Variants in TNFRSF9 observed in about 807,000 individuals in gnomAD.
TNFRSF9 encodes the protein TNF receptor superfamily member 9.
TNFRSF9 carries 16 observed loss-of-function variants against 28.8 expected under a neutral mutation model. That is an observed-to-expected ratio of 0.55 (90% confidence interval 0.38 to 0.84). The LOEUF is 0.84. Ranked by LOEUF, TNFRSF9 falls within the 40% of genes least tolerant of loss-of-function variation. TNFRSF9 has a pLI of 0.00. For missense variants in TNFRSF9, 303 were observed against 315.0 expected (o/e 0.96, Z 0.29); for synonymous variants, 131 against 117.0 (o/e 1.12, Z -0.77).
intron 7 of TNFRSF9, among the ~76,000 whole-genome samples, chr1:7,922,825 A>G (rs951988712): frequency 1.3e-5 from 2 of 151,888 alleles, no homozygotes; most frequent in Admixed American, 6.6e-5. Flanking sequence ...AAAACACATA[A>G]AAAACTAAGA....
intron 5 of TNFRSF9, among the ~76,000 whole-genome samples, chr1:7,936,834 A>G (rs2300428): frequency 0.41 from 62,114 of 152,092 alleles, 13,658 homozygotes; most frequent in South Asian, 0.63. Context: ...AAGTTTCTAA[A>G]TGTTTACTCT....
intron 4 of TNFRSF9, 136 bp from the exon 5 acceptor site, chr1:7,937,892 C>A: frequency 1.4e-6 from 1 of 738,278 alleles, no homozygotes; most frequent in Admixed American, 2.8e-5. Flanking sequence ...GAAACAACAC[C>A]CTAAGATGGC....
chr1:7,932,288 TA>T (rs1377200442), intron 7 of TNFRSF9, among the ~76,000 whole-genome samples: 1 of 152,178 alleles, frequency 6.6e-6, no homozygotes, highest in Non-Finnish European at 1.5e-5. Flanking sequence ...TATTAAGTCT[TA>T]TTAAGCCTGT....
chr1:7,932,644 C>T (rs1351626678), intron 7 of TNFRSF9, among the ~76,000 whole-genome samples: 7 of 151,826 alleles, frequency 4.6e-5, no homozygotes, highest in African/African-American at 1.7e-4. Context: ...TCTTCTTTGC[C>T]AGTGTCCTCC....
chr1:7,934,377 GA>G (rs1037016894), intron 6 of TNFRSF9, among the ~76,000 whole-genome samples: 44 of 132,352 alleles, frequency 3.3e-4, no homozygotes, highest in Admixed American at 4.5e-4. Flanking sequence ...ACTCTCGGGG[GA>G]AAAAAAAAGC....
intron 7 of TNFRSF9, among the ~76,000 whole-genome samples, chr1:7,930,473 T>C (rs970107685): frequency 2.6e-5 from 4 of 152,200 alleles, no homozygotes; most frequent in Admixed American, 6.6e-5. Context: ...TGGAACTTTG[T>C]TGCAGAGATA....
In TNFRSF9 at chr1:7,933,077, A is replaced by G. The variant is rs1055926409; in HGVS notation, c.679+85T>C. 20 of 1,492,612 alleles carry G rather than the reference A, an allele frequency of 1.3e-5. No individual in the cohort carries two copies. The African/African-American group carries it at 2.9e-4, about 21-fold the overall frequency. 92.5% of individuals were successfully genotyped at this position (1,492,612 alleles called of 1,614,324 possible). A position where few individuals can be genotyped will look rare whatever the true frequency, so the allele number is the denominator to read the frequency against. On this transcript the variant is annotated intron_variant, in intron 7 of 7. Transcript: ENST00000377507. ...ACGGGGCTATATGAACCTCATTTCT[A>G]GAATTTTTTTTAAAATCATATTTTC...
chr1:7,934,413 G>T (rs1210328231), intron 6 of TNFRSF9, among the ~76,000 whole-genome samples: 1 of 149,834 alleles, frequency 6.7e-6, no homozygotes, highest in East Asian at 2.0e-4. Context: ...AAAAAGAAAA[G>T]AAAATATGGG....
At chr1:7,929,464 G>A (rs887766883) in intron 7 of TNFRSF9, among the ~76,000 whole-genome samples, 1 of 151,738 alleles carries the variant, frequency 6.6e-6, no homozygotes, top group Non-Finnish European at 1.5e-5. Context: ...ACTGTGCCCC[G>A]CCCCTCATTT....
intron 7 of TNFRSF9, among the ~76,000 whole-genome samples, chr1:7,927,426 A>G (rs1442471673): frequency 1.3e-5 from 2 of 152,180 alleles, no homozygotes; most frequent in African/African-American, 4.8e-5. Flanking sequence ...TGTCCACTAG[A>G]GGCAAGGTGC....
At chr1:7,927,461 AC>A (rs1192098668) in intron 7 of TNFRSF9, among the ~76,000 whole-genome samples, 1 of 151,384 alleles carries the variant, frequency 6.6e-6, no homozygotes. Flanking sequence ...TTCCAAATAT[AC>A]TCTTTTGTCT....
In TNFRSF9 at chr1:7,916,633, A is replaced by C. The variant is rs372720109; in HGVS notation, c.*4202T>G. ...GTGTCCAAAGCCAAGAGGAGAAATCACTTTAGAACTTACAGCATCATGATT... is the reference window on the plus strand; with the variant it reads ...GTGTCCAAAGCCAAGAGGAGAAATCCCTTTAGAACTTACAGCATCATGATT... On this transcript the variant is annotated 3_prime_UTR_variant, in exon 8 of 8. Coordinates refer to ENST00000377507, the MANE Select transcript of TNFRSF9 (RefSeq NM_001561.6). The C allele has an allele frequency of 2.0e-4, 30 of 152,306 alleles. No homozygotes were observed. Among genetic ancestry groups the C allele is most frequent in the African/African-American group, 7.2e-4 (30 of 41,580 alleles). 9.4% of individuals were successfully genotyped at this position (152,306 alleles called of 1,614,324 possible).
At chr1:7,924,301 A>G (rs1338972975) in intron 7 of TNFRSF9, among the ~76,000 whole-genome samples, 1 of 2,728 alleles carries the variant, frequency 3.7e-4, no homozygotes, top group African/African-American at 7.2e-4. Flanking sequence ...TTCCATATAT[A>G]TATATATATA....
intron 6 of TNFRSF9, 80 bp from the exon 7 acceptor site, chr1:7,933,376 A>G: frequency 5.4e-6 from 8 of 1,469,466 alleles, no homozygotes; most frequent in Non-Finnish European, 7.3e-6. Context: ...TACATTGGTA[A>G]ATTTCTAAGC....
chr1:7,929,157 C>CTTTTTTTTTTTTTTTTTT lies in TNFRSF9; in HGVS notation c.679+4004_679+4005insAAAAAAAAAAAAAAAAAA, dbSNP rs1491203940. On this transcript the variant is annotated intron_variant, in intron 7 of 7. Coordinates refer to ENST00000377507, the MANE Select transcript of TNFRSF9 (RefSeq NM_001561.6). ...CTCAGTTTTTCTTTTTTTTCTTTTT[C>CTTTTTTTTTTTTTTTTTT]CTTTTTTTTTTTTTTTTTTTTTGAG... is the stretch of plus-strand genomic sequence containing the variant. Among the ~76,000 whole-genome samples, 6 of 65,440 alleles carry CTTTTTTTTTTTTTTTTTT rather than the reference C, an allele frequency of 9.2e-5. 2 individuals carry two copies. The highest frequency in any genetic ancestry group is 7.8e-5 in the Non-Finnish European group (2 of 25,484). The allele number at this position is 65,440 out of a possible 152,430, so 42.9% of individuals were successfully genotyped here.
intron 7 of TNFRSF9, among the ~76,000 whole-genome samples, chr1:7,927,614 C>A (rs2151414382): frequency 6.6e-6 from 1 of 151,998 alleles, no homozygotes; most frequent in East Asian, 1.9e-4. Context: ...CTGCAGTAAG[C>A]CATGATCACA....
chr1:7,925,415 T>C (rs906154257), intron 7 of TNFRSF9, among the ~76,000 whole-genome samples: 5 of 152,108 alleles, frequency 3.3e-5, no homozygotes, highest in Non-Finnish European at 5.9e-5. Flanking sequence ...AAGTGTACAG[T>C]GTTTATAAGA....
intron 6 of TNFRSF9, among the ~76,000 whole-genome samples, chr1:7,934,565 C>A (rs1028502782): frequency 6.6e-6 from 1 of 151,544 alleles, no homozygotes; most frequent in African/African-American, 2.4e-5. Flanking sequence ...AAAAATTAGC[C>A]GGGCGTGGTG....
Position 7,915,930 on chromosome 1 carries a change from T to A in TNFRSF9, c.*4905A>T, listed in dbSNP as rs888357335. The stretch of plus-strand genomic sequence containing the variant: ...CATAGTTTTGTGTTTTATTAGATAG[T>A]CTTTTAAATAAAAACGTTGATAAAG... On this transcript the variant is annotated 3_prime_UTR_variant, in exon 8 of 8. Transcript: ENST00000377507. 5 of 152,186 alleles carry A rather than the reference T, an allele frequency of 3.3e-5. No individual in the cohort carries two copies. Among genetic ancestry groups the A allele is most frequent in the Admixed American group, 2.0e-4 (3 of 15,256 alleles). The allele number at this position is 152,186 out of a possible 1,614,324, so 9.4% of individuals were successfully genotyped here. A position where few individuals can be genotyped will look rare whatever the true frequency, so the allele number is the denominator to read the frequency against.
Sources: gnomAD v4.1 joint callset for allele counts (sites outside exome capture counted in the v4.1 genomes callset) on GRCh38, gnomAD v4.1.1 for gene constraint, MANE v1.5 for transcripts, NCBI Gene and HGNC (gene_info 2026-07-23, HGNC 2026-07-21) for gene names.